GRID2: variants seen among roughly 807,000 people sequenced by gnomAD.
GRID2 encodes glutamate receptor ionotropic, delta-2.
GRID2 carries 33 observed loss-of-function variants against 114.8 expected under a neutral mutation model. The observed-to-expected ratio is 0.29, with a 90% CI of 0.22 to 0.38. The LOEUF (loss-of-function observed/expected upper bound fraction) is 0.38. Among genes scored for constraint, GRID2 ranks in the 10% least tolerant of loss-of-function variants. The pLI is 1.00. For missense variants in GRID2, 1,184 were observed against 1,257.7 expected (o/e 0.94, Z 0.89); for synonymous variants, 505 against 449.9 (o/e 1.12, Z -1.55).
chr4:92,364,953 C>G (rs1181510829), intron 1 of GRID2, among the ~76,000 whole-genome samples: 2 of 151,966 alleles, frequency 1.3e-5, no homozygotes, highest in African/African-American at 4.8e-5. Flanking sequence ...TACTACATTC[C>G]TTCATCAATT....
chr4:92,439,652 GC>G (rs1480034902), intron 1 of GRID2, among the ~76,000 whole-genome samples: 6 of 145,180 alleles, frequency 4.1e-5, no homozygotes, highest in Admixed American at 4.1e-4. Flanking sequence ...ATTGGTGATG[GC>G]CTGGATACGG....
In GRID2 at chr4:93,527,089, C is replaced by G. The variant is rs574520116; in HGVS notation, c.2193+11678C>G. ...ACATCCTCAAAAGGGCCCTCCCTCT[C>G]CTCTCATTCTGATTTATGTGTTCAG... On this transcript the variant is annotated intron_variant, in intron 13 of 15. Transcript: ENST00000282020. Among the ~76,000 whole-genome samples, 11 of 152,238 alleles carry G rather than the reference C, an allele frequency of 7.2e-5. No individual in the cohort carries two copies. In the East Asian group the frequency reaches 2.1e-3, roughly 29 times the overall value.
At chr4:93,406,085 A>G (rs2149344894) in intron 9 of GRID2, among the ~76,000 whole-genome samples, 1 of 152,248 alleles carries the variant, frequency 6.6e-6, no homozygotes, top group South Asian at 2.1e-4. Context: ...TCTTCAAGTT[A>G]CAAATATGCT....
At chr4:92,634,444 T>G (rs532452218) in intron 2 of GRID2, among the ~76,000 whole-genome samples, 3 of 152,236 alleles carry the variant, frequency 2.0e-5, no homozygotes, top group South Asian at 4.1e-4. Flanking sequence ...ACATGTGCCC[T>G]TTTGCATTTG....
rs560126033 is a variant in GRID2, at chr4:92,941,990, T to A, written c.245-143005T>A. On this transcript the variant is annotated intron_variant, in intron 2 of 15. Coordinates refer to ENST00000282020, the MANE Select transcript of GRID2 (RefSeq NM_001510.4). ...TGCTGAGGAATGCTTTACTTCCAAG[T>A]ATGTGGTCAATTTTGGAATAGGTGT... 5.2e-3 allele frequency among the ~76,000 whole-genome samples: 793 copies of A among 152,262 alleles called. 7 individuals are homozygous for A. The highest frequency in any genetic ancestry group is 0.018 in the African/African-American group (758 of 41,542).
At chr4:92,776,581 T>G (rs1281618722) in intron 2 of GRID2, among the ~76,000 whole-genome samples, 1 of 151,938 alleles carries the variant, frequency 6.6e-6, no homozygotes, top group Non-Finnish European at 1.5e-5. Context: ...TTAGATTATT[T>G]TTTGACTGTT....
chr4:93,292,905 G>T (rs1426018923), intron 8 of GRID2, among the ~76,000 whole-genome samples: 2 of 152,094 alleles, frequency 1.3e-5, no homozygotes, highest in African/African-American at 2.4e-5. Context: ...AAAAACAGAC[G>T]GTTGGTGTGA....
At chr4:92,592,715 TA>T (rs1222703762) in intron 2 of GRID2, among the ~76,000 whole-genome samples, 8 of 152,046 alleles carry the variant, frequency 5.3e-5, no homozygotes, top group Non-Finnish European at 1.0e-4. Context: ...CAGCTTTGGG[TA>T]ATAAACCTGA....
intron 1 of GRID2, among the ~76,000 whole-genome samples, chr4:92,563,535 A>C (rs1423659657): frequency 2.0e-5 from 3 of 152,050 alleles, no homozygotes; most frequent in Non-Finnish European, 4.4e-5. Flanking sequence ...GTATAGTTCT[A>C]ATTTTACCAC....
chr4:93,324,168 G>A (rs1244681072), intron 8 of GRID2, among the ~76,000 whole-genome samples: 1 of 152,074 alleles, frequency 6.6e-6, no homozygotes, highest in Admixed American at 6.6e-5. Flanking sequence ...CATTCAGTAT[G>A]ATATTGTCTG....
intron 2 of GRID2, among the ~76,000 whole-genome samples, chr4:93,008,339 C>T (rs1721775827): frequency 1.3e-5 from 2 of 152,072 alleles, no homozygotes; most frequent in South Asian, 4.1e-4. Context: ...TGCAAGAACT[C>T]TGCTGAAACA....
intron 1 of GRID2, among the ~76,000 whole-genome samples, chr4:92,551,352 G>C (rs1211557401): frequency 6.6e-6 from 1 of 152,048 alleles, no homozygotes; most frequent in African/African-American, 2.4e-5. Flanking sequence ...TTGAAACTTA[G>C]TGTGAGAAGT....
intron 8 of GRID2, among the ~76,000 whole-genome samples, chr4:93,333,929 T>C (rs1758758959): frequency 6.6e-6 from 1 of 152,150 alleles, no homozygotes; most frequent in African/African-American, 2.4e-5. Flanking sequence ...TCATTTCTTG[T>C]GGGGGAAAAT....
At chr4:92,748,991 T>C (rs1737295339) in intron 2 of GRID2, among the ~76,000 whole-genome samples, 1 of 151,322 alleles carries the variant, frequency 6.6e-6, no homozygotes, top group Non-Finnish European at 1.5e-5. Flanking sequence ...ACCATTTCTA[T>C]TTATTTATTT....
chr4:92,436,157 C>A (rs1340334833), intron 1 of GRID2, among the ~76,000 whole-genome samples: 1 of 152,096 alleles, frequency 6.6e-6, no homozygotes, highest in Non-Finnish European at 1.5e-5. Flanking sequence ...CTATTAAATT[C>A]TCAGTTTCCT....
At chr4:93,525,996 T>C (rs1174259721) in intron 13 of GRID2, among the ~76,000 whole-genome samples, 3 of 152,214 alleles carry the variant, frequency 2.0e-5, no homozygotes, top group South Asian at 4.1e-4. Flanking sequence ...GGAAAATGCA[T>C]ATATATTTTT....
At chr4:93,745,812 A>G (rs1731794083) in intron 14 of GRID2, among the ~76,000 whole-genome samples, 1 of 152,156 alleles carries the variant, frequency 6.6e-6, no homozygotes, top group African/African-American at 2.4e-5. Context: ...GGCATATTTT[A>G]TTTTATTTCT....
At chr4:92,406,285 TTTAAAA>T (rs1731026251) in intron 1 of GRID2, among the ~76,000 whole-genome samples, 1 of 152,226 alleles carries the variant, frequency 6.6e-6, no homozygotes, top group Admixed American at 6.5e-5. Context: ...AATACATAAC[TTTAAAA>T]TTATAAAATC....
chr4:92,712,108 C>T (rs766285346), intron 2 of GRID2, among the ~76,000 whole-genome samples: 6 of 150,138 alleles, frequency 4.0e-5, no homozygotes, highest in East Asian at 2.0e-4. Context: ...CTGATCAACA[C>T]GAAAAATTAA....
Sources: allele counts gnomAD v4.1 joint callset (sites outside exome capture counted in the v4.1 genomes callset), GRCh38; gene constraint gnomAD v4.1.1; transcripts MANE v1.5; gene names NCBI Gene and HGNC (gene_info 2026-07-23, HGNC 2026-07-21).